The following ZNF713 variants were observed in gnomAD, a reference collection of about 807,000 sequenced individuals.
ZNF713 encodes zinc finger protein 713.
Under a neutral mutation model 28.7 loss-of-function variants are expected in ZNF713, and 21 were observed. That is an observed-to-expected ratio of 0.73 (90% CI 0.52 to 1.05). The LOEUF (loss-of-function observed/expected upper bound fraction) is 1.05, where lower values mean the gene tolerates loss of function less well. Among genes scored for constraint, ZNF713 ranks in the 50% least tolerant of loss-of-function variants. The pLI is 0.00. For missense variants in ZNF713, 458 were observed against 532.4 expected (o/e 0.86, Z 1.37); for synonymous variants, 167 against 178.0 (o/e 0.94, Z 0.49).
intron 5 of ZNF713, 89 bp downstream of exon 5, chr7:55,923,377 A>G: frequency 6.6e-7 from 1 of 1,505,220 alleles, no homozygotes; most frequent in Non-Finnish European, 8.9e-7. Context: ...TTGTGAATAT[A>G]GTTTGGGCTG....
At chr7:55,938,068 A>C (rs1292846750) in intron 6 of ZNF713, among the ~76,000 whole-genome samples, 2 of 151,992 alleles carry the variant, frequency 1.3e-5, no homozygotes, top group Admixed American at 1.3e-4. Context: ...GCTGGGTGTG[A>C]TGGTACATAC....
At chr7:55,935,838 C>G (rs1315751809) in intron 6 of ZNF713, among the ~76,000 whole-genome samples, 1 of 151,710 alleles carries the variant, frequency 6.6e-6, no homozygotes, top group African/African-American at 2.4e-5. Flanking sequence ...ACCTATAGTC[C>G]CAGCTACTCA....
intron 2 of ZNF713, among the ~76,000 whole-genome samples, chr7:55,907,640 CTGT>C (rs1412714046): frequency 6.6e-6 from 1 of 152,130 alleles, no homozygotes; most frequent in Non-Finnish European, 1.5e-5. Flanking sequence ...TCTCCAGTGT[CTGT>C]TGTTCCCCTC....
At chr7:55,907,675 T>C (rs1257086355) in intron 2 of ZNF713, among the ~76,000 whole-genome samples, 1 of 152,260 alleles carries the variant, frequency 6.6e-6, no homozygotes, top group South Asian at 2.1e-4. Flanking sequence ...ATGCACCCAT[T>C]GTTTAGCTCC....
intron 6 of ZNF713, among the ~76,000 whole-genome samples, chr7:55,926,977 A>T (rs1786108847): frequency 6.6e-6 from 1 of 152,116 alleles, no homozygotes; most frequent in South Asian, 2.1e-4. Context: ...CTCCATCTCT[A>T]CTAAAAATAC....
At chr7:55,900,513 C>T (rs1227384399) in intron 1 of ZNF713, among the ~76,000 whole-genome samples, 1 of 151,950 alleles carries the variant, frequency 6.6e-6, no homozygotes, top group Non-Finnish European at 1.5e-5. Flanking sequence ...TACTATTCAG[C>T]CTTCAAAAAG....
chr7:55,924,982 A>G (rs1786069234), intron 6 of ZNF713: 2 of 152,048 alleles, frequency 1.3e-5, no homozygotes, highest in Admixed American at 6.5e-5. Context: ...CTCTTCTTTA[A>G]AGCATTCCCT....
intron 1 of ZNF713, among the ~76,000 whole-genome samples, chr7:55,890,687 A>G (rs1785365589): frequency 6.6e-6 from 1 of 152,154 alleles, no homozygotes; most frequent in African/African-American, 2.4e-5. Flanking sequence ...AAGATATAAG[A>G]AGAATTATCC....
At chr7:55,918,235 G>A (rs375591019) in intron 4 of ZNF713, 73 of 356,354 alleles carry the variant, frequency 2.0e-4, no homozygotes, top group African/African-American at 1.5e-3. Context: ...ATATGGAGAG[G>A]AGCCAAGGCC....
intron 6 of ZNF713, among the ~76,000 whole-genome samples, chr7:55,932,172 T>C (rs984458393): frequency 3.3e-5 from 5 of 152,250 alleles, no homozygotes; most frequent in Non-Finnish European, 7.3e-5. Context: ...GTCATTTGTA[T>C]ATATTTTGTA....
intron 1 of ZNF713, among the ~76,000 whole-genome samples, chr7:55,896,454 A>G (rs879659285): frequency 6.6e-6 from 1 of 152,098 alleles, no homozygotes; most frequent in Non-Finnish European, 1.5e-5. Flanking sequence ...AAATAAGTAG[A>G]TAATAAGAGC....
intron 2 of ZNF713, among the ~76,000 whole-genome samples, chr7:55,906,974 T>C (rs1785690118): frequency 6.6e-6 from 1 of 152,236 alleles, no homozygotes; most frequent in African/African-American, 2.4e-5. Flanking sequence ...AGACTTTTTA[T>C]GTTACAGCTC....
intron 6 of ZNF713, among the ~76,000 whole-genome samples, chr7:55,927,677 ACT>A (rs1584315727): frequency 6.6e-6 from 1 of 151,572 alleles, no homozygotes; most frequent in East Asian, 1.9e-4. Flanking sequence ...TGGACGGATC[ACT>A]TGAGGTCAGG....
intron 6 of ZNF713, among the ~76,000 whole-genome samples, chr7:55,937,660 T>G (rs549741176): frequency 3.3e-5 from 5 of 151,836 alleles, no homozygotes; most frequent in Middle Eastern, 3.4e-3. Context: ...CCAGCAACTT[T>G]GGGAAGCCAA....
rs1213598369 is a variant in ZNF713, at chr7:55,923,679, G to A, written c.287G>A (p.Ser96Asn). 1 of 1,612,196 alleles carries A rather than the reference G, an allele frequency of 6.2e-7. No homozygotes were observed. Among genetic ancestry groups the A allele is most frequent in the Non-Finnish European group, 8.5e-7 (1 of 1,179,048 alleles). ...GAAGAATGGGTGATAGAAAGAGACA[G>A]CCTGCTGGATACTCATCCAGGTAAG... Reference protein sequence around the residue: ...LEEEWVIERDSLLDTHPDGEN... With the variant: ...LEEEWVIERDNLLDTHPDGEN... Residue 96 changes from serine (S) to asparagine (N), a missense_variant, in exon 6 of 7, where the codon AGC (serine) becomes AAC (asparagine). Physicochemically the swap from Ser to Asn is conservative, Grantham distance 46 (BLOSUM62 1). Coordinates refer to ENST00000429591, the MANE Select transcript of ZNF713 (RefSeq NM_182633.3).
At chr7:55,924,142 T>G (rs1278297717) in intron 6 of ZNF713, 2 of 154,400 alleles carry the variant, frequency 1.3e-5, no homozygotes, top group Non-Finnish European at 2.9e-5. Context: ...TTTTCATCTT[T>G]TCTTTTTCCT....
chr7:55,912,945 C>T (rs1162526996), intron 4 of ZNF713, among the ~76,000 whole-genome samples: 1 of 152,158 alleles, frequency 6.6e-6, no homozygotes, highest in Non-Finnish European at 1.5e-5. Flanking sequence ...TCATGGATTC[C>T]TGCCTGTTCT....
At chr7:55,920,602 A>G (rs1030212624) in intron 4 of ZNF713, among the ~76,000 whole-genome samples, 1 of 152,244 alleles carries the variant, frequency 6.6e-6, no homozygotes, top group Non-Finnish European at 1.5e-5. Flanking sequence ...TCTCGATAAC[A>G]TAAAAGTGCT....
At chr7:55,897,544 G>A (rs932975277) in intron 1 of ZNF713, among the ~76,000 whole-genome samples, 6 of 151,876 alleles carry the variant, frequency 4.0e-5, no homozygotes, top group African/African-American at 1.5e-4. Context: ...ACCTCCCAAA[G>A]CGTTAGGATT....
Sources: allele counts gnomAD v4.1 joint callset (sites outside exome capture counted in the v4.1 genomes callset), GRCh38; gene constraint gnomAD v4.1.1; transcripts MANE v1.5; gene names NCBI Gene and HGNC (gene_info 2026-07-23, HGNC 2026-07-21).